Variants in CALU observed in about 807,000 individuals in gnomAD.
CALU encodes IEF SSP 9302.
A neutral mutation model predicts 37.5 loss-of-function variants in CALU; 13 were observed. The observed-to-expected ratio is 0.35, with a 90% CI of 0.23 to 0.55. The LOEUF (loss-of-function observed/expected upper bound fraction) is 0.55, where lower values mean the gene tolerates loss of function less well. CALU is among the 20% of genes least tolerant of loss of function. CALU has a pLI of 0.89. For synonymous variants in CALU, 114 were observed against 133.8 expected, an observed-to-expected ratio of 0.85 and a Z score of 1.02; for missense variants, 282 against 391.7, an observed-to-expected ratio of 0.72 and a Z score of 2.36.
chr7:128,764,601 G>A (rs1801254077), intron 5 of CALU, among the ~76,000 whole-genome samples: 1 of 152,178 alleles, frequency 6.6e-6, no homozygotes, highest in Admixed American at 6.5e-5. Flanking sequence ...TTTAAATTCA[G>A]TCTGGGTATT....
At chr7:128,740,682 T>C (rs1800204640) in intron 1 of CALU, among the ~76,000 whole-genome samples, 1 of 152,126 alleles carries the variant, frequency 6.6e-6, no homozygotes, top group Non-Finnish European at 1.5e-5. Context: ...TAGGATTCTT[T>C]TGAGAATCAC....
In CALU at chr7:128,773,140, A is replaced by T. The variant is rs1801660760; in HGVS notation, c.*3973A>T. On this transcript the variant is annotated 3_prime_UTR_variant, in exon 7 of 7. Coordinates refer to ENST00000249364, the MANE Select transcript of CALU (RefSeq NM_001219.5). Reference sequence around the variant, plus strand: ...AATCCCCCAGTACCTTCAGATGATAAGATATTTTAGAGATTTTTGCATGTG... The same window carrying T: ...AATCCCCCAGTACCTTCAGATGATATGATATTTTAGAGATTTTTGCATGTG... 6.6e-6 allele frequency among the ~76,000 whole-genome samples: 1 copy of T among 152,224 alleles called. No homozygotes were observed. Among genetic ancestry groups the T allele is most frequent in the South Asian group, 2.1e-4 (1 of 4,832 alleles).
At chr7:128,767,685 C>T in intron 6 of CALU, 30 bp downstream of exon 6, 1 of 1,570,720 alleles carries the variant, frequency 6.4e-7, no homozygotes, top group Non-Finnish European at 8.8e-7. Context: ...CACGCTCTAT[C>T]CTTGATTGAA....
At position 128,770,513 on chromosome 7, in the gene CALU, G is replaced by A. The variant is rs1801514530; in HGVS notation, c.*1346G>A. On this transcript the variant is annotated 3_prime_UTR_variant, in exon 7 of 7. Coordinates refer to ENST00000249364, the MANE Select transcript of CALU (RefSeq NM_001219.5). Reference sequence around the variant, plus strand: ...AGGGCTCTTTGGTTTGAGGACCATGGCTTACCTTTCCTGCCTTTGACCCAT... The same window carrying A: ...AGGGCTCTTTGGTTTGAGGACCATGACTTACCTTTCCTGCCTTTGACCCAT... 1 of 151,210 alleles carries A rather than the reference G, an allele frequency of 6.6e-6. No homozygotes were observed. The highest frequency in any genetic ancestry group is 1.5e-5 in the Non-Finnish European group (1 of 67,916). The allele number at this position is 151,210 out of a possible 1,614,324, so 9.4% of individuals were successfully genotyped here. A position where few individuals can be genotyped will look rare whatever the true frequency, so the allele number is the denominator to read the frequency against.
intron 2 of CALU, among the ~76,000 whole-genome samples, chr7:128,751,242 C>T (rs573864189): frequency 4.0e-5 from 6 of 148,402 alleles, no homozygotes; most frequent in East Asian, 2.0e-4. Flanking sequence ...GAGCCAAGAT[C>T]GCACCACTGC....
At chr7:128,740,555 A>G (rs1330519079) in intron 1 of CALU, among the ~76,000 whole-genome samples, 2 of 151,600 alleles carry the variant, frequency 1.3e-5, no homozygotes, top group Non-Finnish European at 2.9e-5. Context: ...AAGAATTTAT[A>G]TAGTATAATC....
chr7:128,767,691 T>A, intron 6 of CALU, 36 bp downstream of exon 6: 1 of 1,534,730 alleles, frequency 6.5e-7, no homozygotes. Flanking sequence ...CTATCCTTGA[T>A]TGAAGTATGC....
At chr7:128,752,845 CG>C (rs1288615347) in intron 2 of CALU, among the ~76,000 whole-genome samples, 2 of 152,130 alleles carry the variant, frequency 1.3e-5, no homozygotes, top group Admixed American at 1.3e-4. Flanking sequence ...CCACCATGCC[CG>C]GCTAATTTTT....
intron 2 of CALU, among the ~76,000 whole-genome samples, chr7:128,753,318 C>A (rs1313992670): frequency 6.6e-6 from 1 of 152,236 alleles, no homozygotes; most frequent in Non-Finnish European, 1.5e-5. Context: ...ACTTCATATT[C>A]CAAACTGGGC....
At position 128,746,195 on chromosome 7, in the gene CALU, G is replaced by A. The variant is rs554136080; in HGVS notation, c.-11-2378G>A. Among the ~76,000 whole-genome samples the A allele has an allele frequency of 2.7e-4, 41 of 149,764 alleles. No individual in the cohort carries two copies. The South Asian group carries it at 8.3e-3, about 30-fold the overall frequency. On this transcript the variant is annotated intron_variant, in intron 1 of 6. Coordinates refer to ENST00000249364, the MANE Select transcript of CALU (RefSeq NM_001219.5). ...ATTCTTTTTTTTGAGGAAGGGTCTC[G>A]CTCTGTCACTGAAGTGCAGTGGTGA...
intron 1 of CALU, 104 bp from the exon 2 acceptor site, chr7:128,748,469 A>T (rs1426797154): frequency 1.7e-6 from 2 of 1,158,352 alleles, no homozygotes; most frequent in African/African-American, 1.6e-5. Flanking sequence ...TTGCATAGAT[A>T]TGTATATCAA....
At chr7:128,741,437 A>C (rs906784554) in intron 1 of CALU, among the ~76,000 whole-genome samples, 1 of 152,250 alleles carries the variant, frequency 6.6e-6, no homozygotes, top group African/African-American at 2.4e-5. Flanking sequence ...AATGATATGT[A>C]GACATTCTTC....
rs146046902 is a variant in CALU, at chr7:128,759,783, C to A, written c.583-9C>A. On this transcript the variant is annotated splice_polypyrimidine_tract_variant and intron_variant, in intron 4 of 6. Coordinates refer to ENST00000249364, the MANE Select transcript of CALU (RefSeq NM_001219.5). Reference sequence around the variant, plus strand: ...ACTTAATAGTCTCTTCTTATTCTTTCCTGTTTAGGAAACAATGGAAGATAT... The same window carrying A: ...ACTTAATAGTCTCTTCTTATTCTTTACTGTTTAGGAAACAATGGAAGATAT... 1.6e-4 allele frequency: 205 copies of A among 1,269,576 alleles called. 1 individual carries two copies. In the African/African-American group the frequency reaches 2.4e-3, roughly 15 times the overall value. The allele number at this position is 1,269,576 out of a possible 1,614,324, so 78.6% of individuals were successfully genotyped here.
chr7:128,770,183 T>A lies in CALU; in HGVS notation c.*1016T>A, dbSNP rs1457645075. ...AGAAATGGTCACTGAATGGGAATTCTCTTAAGAAACCCTGAGATTAAAAAA... is the reference window on the plus strand; with the variant it reads ...AGAAATGGTCACTGAATGGGAATTCACTTAAGAAACCCTGAGATTAAAAAA... On this transcript the variant is annotated 3_prime_UTR_variant, in exon 7 of 7. Coordinates refer to ENST00000249364, the MANE Select transcript of CALU (RefSeq NM_001219.5). 6.6e-6 allele frequency: 1 copy of A among 152,648 alleles called. No individual in the cohort carries two copies. Among genetic ancestry groups the A allele is most frequent in the Non-Finnish European group, 1.5e-5 (1 of 68,044 alleles). The allele number at this position is 152,648 out of a possible 1,614,324, so 9.5% of individuals were successfully genotyped here. A position where few individuals can be genotyped will look rare whatever the true frequency, so the allele number is the denominator to read the frequency against.
chr7:128,762,402 T>C (rs1408839161), intron 5 of CALU, among the ~76,000 whole-genome samples: 1 of 150,620 alleles, frequency 6.6e-6, no homozygotes, highest in Non-Finnish European at 1.5e-5. Context: ...CAGTAACTAA[T>C]GCAAACACTT....
At chr7:128,760,024 C>T (rs1433771209) in intron 5 of CALU, among the ~76,000 whole-genome samples, 172 bp downstream of exon 5, 7 of 152,094 alleles carry the variant, frequency 4.6e-5, no homozygotes, top group African/African-American at 1.2e-4. Flanking sequence ...GGGGAAACCC[C>T]GTCTCTACTA....
chr7:128,741,793 GA>G (rs1800252392), intron 1 of CALU, among the ~76,000 whole-genome samples: 2 of 152,156 alleles, frequency 1.3e-5, no homozygotes, highest in Admixed American at 6.5e-5. Flanking sequence ...TCTCACAATT[GA>G]TTATGTATTA....
At chr7:128,762,364 T>A (rs1479901280) in intron 5 of CALU, among the ~76,000 whole-genome samples, 4 of 150,338 alleles carry the variant, frequency 2.7e-5, no homozygotes, top group Non-Finnish European at 5.9e-5. Context: ...CTTGTGCATG[T>A]GTGCTTTTTT....
At chr7:128,757,358 AGTGTGTGTGT>A (rs10638444) in intron 3 of CALU, among the ~76,000 whole-genome samples, 18 of 146,092 alleles carry the variant, frequency 1.2e-4, no homozygotes, top group South Asian at 1.1e-3. Flanking sequence ...TATGGCTTTG[AGTGTGTGTGT>A]GTGTGTGTGT....
Sources: gnomAD v4.1 joint callset for allele counts (sites outside exome capture counted in the v4.1 genomes callset) on GRCh38, gnomAD v4.1.1 for gene constraint, MANE v1.5 for transcripts, NCBI Gene and HGNC (gene_info 2026-07-23, HGNC 2026-07-21) for gene names.